NELL1: variants seen among roughly 807,000 people sequenced by gnomAD.
NELL1 encodes protein kinase C-binding protein NELL1.
NELL1 carries 76 observed loss-of-function variants against 107.4 expected under a neutral mutation model. The observed-to-expected ratio is 0.71, with a 90% CI of 0.59 to 0.86. The LOEUF (loss-of-function observed/expected upper bound fraction) is 0.86, where lower values mean the gene tolerates loss of function less well. NELL1 is among the 40% of genes least tolerant of loss of function. The probability of loss-of-function intolerance (pLI) is 0.00; values close to 1 mark genes in which losing one functional copy is unlikely to be tolerated. For synonymous variants in NELL1, 353 were observed against 341.2 expected (o/e 1.03, Z -0.38); for missense variants, 1,024 against 1,005.5 (o/e 1.02, Z -0.25).
intron 15 of NELL1, among the ~76,000 whole-genome samples, chr11:21,505,062 A>G (rs1246434927): frequency 6.6e-6 from 1 of 152,160 alleles, no homozygotes; most frequent in Admixed American, 6.6e-5. Context: ...TAGAAAAGTT[A>G]TGTTTACTTC....
intron 3 of NELL1, among the ~76,000 whole-genome samples, chr11:20,808,437 A>C (rs1004770041): frequency 1.3e-5 from 2 of 152,194 alleles, no homozygotes; most frequent in Admixed American, 1.3e-4. Flanking sequence ...AAGCAGAAGG[A>C]AGCAGTCTTT....
At chr11:21,282,763 GA>G (rs1849026692) in intron 14 of NELL1, among the ~76,000 whole-genome samples, 1 of 152,092 alleles carries the variant, frequency 6.6e-6, no homozygotes, top group South Asian at 2.1e-4. Context: ...CCAAGATATT[GA>G]AGCAATGTAA....
At chr11:21,359,376 T>A (rs1241735820) in intron 14 of NELL1, among the ~76,000 whole-genome samples, 2 of 152,196 alleles carry the variant, frequency 1.3e-5, no homozygotes, top group Non-Finnish European at 2.9e-5. Flanking sequence ...TTGGATTCTG[T>A]TAGCTAGTAT....
At chr11:21,570,478 C>A (rs1564966481) in intron 17 of NELL1, among the ~76,000 whole-genome samples, 1 of 151,782 alleles carries the variant, frequency 6.6e-6, no homozygotes, top group African/African-American at 2.4e-5. Context: ...ACTTATAATT[C>A]TTACTTAGAA....
intron 5 of NELL1, among the ~76,000 whole-genome samples, chr11:20,898,588 C>A (rs186660366): frequency 6.6e-6 from 1 of 151,190 alleles, no homozygotes; most frequent in East Asian, 1.9e-4. Context: ...AAAGTGTTCT[C>A]TTTTCACCAC....
At chr11:21,337,776 C>CTTTCT (rs1350321165) in intron 14 of NELL1, among the ~76,000 whole-genome samples, 1 of 140,856 alleles carries the variant, frequency 7.1e-6, no homozygotes, top group Non-Finnish European at 1.5e-5. Flanking sequence ...TTCTTTCTTT[C>CTTTCT]TTTCTTTCTT....
chr11:21,098,637 GA>G (rs1486863424), intron 12 of NELL1, among the ~76,000 whole-genome samples: 3 of 152,310 alleles, frequency 2.0e-5, no homozygotes, highest in Non-Finnish European at 4.4e-5. Flanking sequence ...CCACTTTGTT[GA>G]AGGTCTTTAT....
chr11:20,788,675 AG>A (rs1165087645), intron 3 of NELL1, among the ~76,000 whole-genome samples: 1 of 150,914 alleles, frequency 6.6e-6, no homozygotes, highest in Non-Finnish European at 1.5e-5. Flanking sequence ...TTAAGCACAA[AG>A]GTTTTAAAAT....
chr11:20,814,208 A>G (rs1357058112), intron 3 of NELL1, among the ~76,000 whole-genome samples: 1 of 152,028 alleles, frequency 6.6e-6, no homozygotes, highest in Non-Finnish European at 1.5e-5. Flanking sequence ...GTTAGCCAGG[A>G]TGGTCTCGAT....
At chr11:21,497,062 A>G (rs1854999389) in intron 15 of NELL1, among the ~76,000 whole-genome samples, 1 of 148,768 alleles carries the variant, frequency 6.7e-6, no homozygotes, top group African/African-American at 2.5e-5. Context: ...AGTCTTTGCT[A>G]TTGTGAATAG....
intron 2 of NELL1, among the ~76,000 whole-genome samples, chr11:20,679,391 G>T (rs1854138208): frequency 6.6e-6 from 1 of 152,150 alleles, no homozygotes. Flanking sequence ...ATAACAAAAG[G>T]ATTATTTTAG....
intron 14 of NELL1, among the ~76,000 whole-genome samples, chr11:21,243,433 G>A (rs1249104798): frequency 6.6e-6 from 1 of 152,094 alleles, no homozygotes; most frequent in Non-Finnish European, 1.5e-5. Flanking sequence ...TTGGGGTCTA[G>A]TGGGCAAACT....
chr11:21,462,204 A>G (rs1223032827), intron 15 of NELL1, among the ~76,000 whole-genome samples: 1 of 152,072 alleles, frequency 6.6e-6, no homozygotes, highest in Non-Finnish European at 1.5e-5. Context: ...AGAATTAAAT[A>G]AAGAAGAGCA....
At chr11:21,032,585 T>C (rs1364359519) in intron 12 of NELL1, among the ~76,000 whole-genome samples, 2 of 152,126 alleles carry the variant, frequency 1.3e-5, no homozygotes, top group African/African-American at 2.4e-5. Flanking sequence ...AGACAGGGTT[T>C]CACCATGTTG....
chr11:21,014,798 C>G (rs1852527684), intron 12 of NELL1, among the ~76,000 whole-genome samples: 2 of 152,084 alleles, frequency 1.3e-5, no homozygotes, highest in Admixed American at 1.3e-4. Flanking sequence ...AACTTGAAAT[C>G]TTATAATCAA....
intron 3 of NELL1, among the ~76,000 whole-genome samples, chr11:20,787,916 G>A (rs778416123): frequency 6.6e-6 from 1 of 152,122 alleles, no homozygotes; most frequent in Non-Finnish European, 1.5e-5. Flanking sequence ...TGTCTCTGTA[G>A]ATTTGCCTAT....
chr11:20,744,920 T>G (rs975952188), intron 2 of NELL1, among the ~76,000 whole-genome samples: 3 of 152,208 alleles, frequency 2.0e-5, no homozygotes, highest in South Asian at 4.1e-4. Flanking sequence ...GTTGCCCAGA[T>G]CTTCACAAGT....
chr11:20,916,119 A>G (rs532086082), intron 5 of NELL1, among the ~76,000 whole-genome samples: 1 of 152,046 alleles, frequency 6.6e-6, no homozygotes, highest in African/African-American at 2.4e-5. Flanking sequence ...GCTCACCTCT[A>G]TGACCTTTCC....
chr11:21,375,027 CT>C (rs1851441862), intron 15 of NELL1, among the ~76,000 whole-genome samples: 1 of 151,692 alleles, frequency 6.6e-6, no homozygotes, highest in African/African-American at 2.4e-5. Flanking sequence ...TAGGTTGATC[CT>C]AATGTGTGTT....
Sources: gnomAD v4.1 joint callset for allele counts (sites outside exome capture counted in the v4.1 genomes callset) on GRCh38, gnomAD v4.1.1 for gene constraint, MANE v1.5 for transcripts, NCBI Gene and HGNC (gene_info 2026-07-23, HGNC 2026-07-21) for gene names.